SORBS2: variants seen among roughly 807,000 people sequenced by gnomAD.
The protein encoded by SORBS2 is sorbin and SH3 domain containing 2.
Under a neutral mutation model 97.7 loss-of-function variants are expected in SORBS2, and 46 were observed. The ratio of observed to expected loss-of-function variants is 0.47; its 90% CI spans 0.37 to 0.60. The LOEUF (loss-of-function observed/expected upper bound fraction) is 0.60, where lower values mean the gene tolerates loss of function less well. SORBS2 is among the 20% of genes least tolerant of loss of function. The pLI is 0.00. For missense variants in SORBS2, 1,316 were observed against 1,282.3 expected, an observed-to-expected ratio of 1.03 and a Z score of -0.40; for synonymous variants, 476 against 473.4, an observed-to-expected ratio of 1.01 and a Z score of -0.07.
At chr4:185,678,386 TTAAAA>T (rs1391184027) in intron 4 of SORBS2, 32 bp downstream of exon 7, 1 of 1,517,530 alleles carries the variant, frequency 6.6e-7, no homozygotes. Flanking sequence ...TAATCATGCC[TTAAAA>T]TAATGCAGTA....
intron 12 of SORBS2, among the ~76,000 whole-genome samples, chr4:185,596,312 T>A (rs907780374): frequency 1.3e-5 from 2 of 152,186 alleles, no homozygotes; most frequent in African/African-American, 4.8e-5. Flanking sequence ...TGTAAAACAA[T>A]CAACTTTTAA....
chr4:185,606,170 C>T lies in SORBS2; in HGVS notation c.2796+5610G>A. ...TGGAATAGGACAAATTTCTGGGCAT[C>T]AACTTCCTCTTCTCTAAAGTGGGGA... On this transcript the variant is annotated intron_variant, in intron 12 of 14. Transcript: ENST00000418609. This position sits in a 1 kb window ranked among gnomAD's most constrained non-coding sequence, Gnocchi z 4.3. 1 of 985,382 alleles carries T rather than the reference C, an allele frequency of 1.0e-6. No homozygotes were observed. The highest frequency in any genetic ancestry group is 4.7e-5 in the South Asian group (1 of 21,282). The allele number at this position is 985,382 out of a possible 1,614,324, so 61.0% of individuals were successfully genotyped here. A position where few individuals can be genotyped will look rare whatever the true frequency, so the allele number is the denominator to read the frequency against.
intron 1 of SORBS2, among the ~76,000 whole-genome samples, chr4:185,800,013 C>T (rs1561107582): frequency 6.6e-6 from 1 of 152,146 alleles, no homozygotes; most frequent in Non-Finnish European, 1.5e-5. Flanking sequence ...GCCTGGCCAA[C>T]ATGGTGAAAC....
At chr4:185,920,410 C>T (rs906921221) in intron 1 of SORBS2, among the ~76,000 whole-genome samples, 2 of 152,126 alleles carry the variant, frequency 1.3e-5, no homozygotes, top group African/African-American at 4.8e-5. Flanking sequence ...AACTGGAGAC[C>T]GTCAAGGTAC....
upstream of SORBS2, chr4:185,657,227 A>G (rs1313443135): frequency 2.2e-6 from 1 of 462,798 alleles, no homozygotes; most frequent in African/African-American, 2.0e-5. Context: ...TCAAATGGAA[A>G]AACAGATTGT....
At chr4:185,749,386 T>G (rs2098785552) in intron 2 of SORBS2, among the ~76,000 whole-genome samples, 1 of 152,234 alleles carries the variant, frequency 6.6e-6, no homozygotes, top group Non-Finnish European at 1.5e-5. Flanking sequence ...CCTGCCTTCT[T>G]GATATCCCAT....
chr4:185,644,907 G>A (rs375010269), intron 4 of SORBS2, among the ~76,000 whole-genome samples: 31 of 152,064 alleles, frequency 2.0e-4, no homozygotes, highest in Non-Finnish European at 3.2e-4. Context: ...TTAGGTGTGC[G>A]TCTGTTTTAA....
chr4:185,841,653 A>C (rs778147378), intron 1 of SORBS2, among the ~76,000 whole-genome samples: 8 of 152,210 alleles, frequency 5.3e-5, no homozygotes, highest in Non-Finnish European at 1.2e-4. Context: ...TTTTGCCAGG[A>C]GCTTCTGCAC....
intron 2 of SORBS2, among the ~76,000 whole-genome samples, chr4:185,707,820 T>C (rs1284641835): frequency 1.3e-5 from 2 of 152,098 alleles, no homozygotes; most frequent in African/African-American, 4.8e-5. Context: ...ATGAGACTTA[T>C]TCACTACCAC....
intron 1 of SORBS2, among the ~76,000 whole-genome samples, chr4:185,913,480 A>C (rs919451990): frequency 1.3e-5 from 2 of 152,214 alleles, no homozygotes; most frequent in Non-Finnish European, 2.9e-5. Flanking sequence ...AGTCTAAACC[A>C]ATACAATCAA....
intron 2 of SORBS2, chr4:185,740,065 A>C (rs189506825): frequency 2.0e-5 from 3 of 152,760 alleles, no homozygotes; most frequent in Admixed American, 2.0e-4. Flanking sequence ...GCTTCCTAGG[A>C]ATGGCAAATC....
At chr4:185,938,090 AC>A (rs749711940) in intron 1 of SORBS2, among the ~76,000 whole-genome samples, 43 of 147,060 alleles carry the variant, frequency 2.9e-4, no homozygotes, top group Non-Finnish European at 5.8e-4. Flanking sequence ...GCCCACTGCA[AC>A]CCCCACCTCC....
chr4:185,838,990 G>T (rs887085463), intron 1 of SORBS2, among the ~76,000 whole-genome samples: 2 of 152,150 alleles, frequency 1.3e-5, no homozygotes, highest in African/African-American at 4.8e-5. Context: ...TTTCCATGGG[G>T]CATAAACTGG....
chr4:185,917,847 T>C (rs2099258999), intron 1 of SORBS2, among the ~76,000 whole-genome samples: 1 of 152,154 alleles, frequency 6.6e-6, no homozygotes. Context: ...GTCACTGAAG[T>C]CTTCTGTGTT....
chr4:185,799,648 G>T (rs1401903940), intron 1 of SORBS2, among the ~76,000 whole-genome samples: 1 of 152,192 alleles, frequency 6.6e-6, no homozygotes, highest in Non-Finnish European at 1.5e-5. Context: ...AGTAACTAGA[G>T]CACAGGAATT....
intron 1 of SORBS2, among the ~76,000 whole-genome samples, chr4:185,884,078 G>A (rs1020830270): frequency 1.3e-5 from 2 of 152,166 alleles, no homozygotes; most frequent in African/African-American, 4.8e-5. Flanking sequence ...GGAACTTCAC[G>A]GGGTGGAGGT....
chr4:185,598,622 AT>A (rs1324404806), intron 12 of SORBS2, among the ~76,000 whole-genome samples: 1 of 152,234 alleles, frequency 6.6e-6, no homozygotes, highest in Non-Finnish European at 1.5e-5. Flanking sequence ...ATGCAAAAAA[AT>A]CTCTGAAAGC....
chr4:185,713,820 C>T (rs1435960703), intron 2 of SORBS2, among the ~76,000 whole-genome samples: 1 of 152,162 alleles, frequency 6.6e-6, no homozygotes, highest in Non-Finnish European at 1.5e-5. Context: ...CAGCCTGGTA[C>T]ACATTAATAT....
intron 2 of SORBS2, among the ~76,000 whole-genome samples, chr4:185,737,873 T>G (rs1483973620): frequency 6.6e-6 from 1 of 152,108 alleles, no homozygotes; most frequent in Non-Finnish European, 1.5e-5. Context: ...CACCCTCCGC[T>G]CAGCTACAGA....
Sources: gnomAD v4.1 joint callset for allele counts (sites outside exome capture counted in the v4.1 genomes callset) on GRCh38, gnomAD v4.1.1 for gene constraint, Gnocchi (gnomAD v3.1) non-coding constraint, MANE v1.5 for transcripts, NCBI Gene and HGNC (gene_info 2026-07-23, HGNC 2026-07-21) for gene names.